DMAP1: variants seen among roughly 807,000 people sequenced by gnomAD.
The protein encoded by DMAP1 is DNA methyltransferase 1 associated protein 1.
Under a neutral mutation model 52.7 loss-of-function variants are expected in DMAP1, and 26 were observed. The ratio of observed to expected loss-of-function variants is 0.49; its 90% CI spans 0.36 to 0.68. The LOEUF (loss-of-function observed/expected upper bound fraction) is 0.68. DMAP1 is among the 30% of genes least tolerant of loss of function. The pLI, the probability that DMAP1 is intolerant of heterozygous loss-of-function variation, is 0.00. For synonymous variants in DMAP1, 231 were observed against 246.0 expected, an observed-to-expected ratio of 0.94 and a Z score of 0.57; for missense variants, 439 against 625.2, an observed-to-expected ratio of 0.70 and a Z score of 3.18.
rs1270860290 is a variant in DMAP1, at chr1:44,218,126, G to C, written c.394-185G>C. On this transcript the variant is annotated intron_variant, in intron 3 of 9. Transcript: ENST00000372289. This position sits in a 1 kb window ranked among gnomAD's most constrained non-coding sequence, Gnocchi z 5.6. ...TGATCCTGGAATAAATCAGAGGCAG[G>C]CTACAGTCCCAAACCCTGCTAGGAC... The C allele has an allele frequency of 2.7e-6, 2 of 743,984 alleles. No individual in the cohort carries two copies. The highest frequency in any genetic ancestry group is 3.4e-5 in the African/African-American group (2 of 58,258). 46.1% of individuals were successfully genotyped at this position (743,984 alleles called of 1,614,324 possible).
rs200838065 is a variant in DMAP1, at chr1:44,220,538, A to G, written c.1345-21A>G. The G allele has an allele frequency of 2.4e-5, 38 of 1,614,226 alleles. No individual in the cohort carries two copies. In the East Asian group the frequency reaches 2.9e-4, roughly 12 times the overall value. On this transcript the variant is annotated intron_variant, in intron 9 of 9. Transcript: ENST00000372289. ...AGGCCTTGGGGGGTCACTGACCTCAATGCCTTCTGTGTATCCTCAGAGAAA... is the reference window on the plus strand; with the variant it reads ...AGGCCTTGGGGGGTCACTGACCTCAGTGCCTTCTGTGTATCCTCAGAGAAA...
chr1:44,217,179 A>G (rs1360973377), intron 3 of DMAP1: 1 of 152,234 alleles, frequency 6.6e-6, no homozygotes, highest in Non-Finnish European at 1.5e-5. Flanking sequence ...ATTGTTACGT[A>G]AGTTTTTCAG....
intron 3 of DMAP1, 177 bp downstream of exon 3, chr1:44,215,075 C>G: frequency 1.3e-6 from 1 of 753,688 alleles, no homozygotes; most frequent in Non-Finnish European, 2.3e-6. Flanking sequence ...CTTTTCTGCC[C>G]AAGGGATCCT....
Position 44,218,423 on chromosome 1 carries a change from T to TG in DMAP1, c.507dup (p.Arg170AlafsTer7). ...TTTGACCTCAGCCGCCGCTTTGACCTGCGTTTTGTTGTTATCCATGACCGG... is the reference window on the plus strand; with the variant it reads ...TTTGACCTCAGCCGCCGCTTTGACCTGGCGTTTTGTTGTTATCCATGACCGG... On this transcript the variant is annotated frameshift_variant, in exon 4 of 10. Coordinates refer to ENST00000372289, the MANE Select transcript of DMAP1 (RefSeq NM_019100.5). LOFTEE classifies it high-confidence loss of function. This position sits in a 1 kb window ranked among gnomAD's most constrained non-coding sequence, Gnocchi z 5.6. 1 of 1,614,206 alleles carries TG rather than the reference T, an allele frequency of 6.2e-7. No individual in the cohort carries two copies.
chr1:44,214,443 C>G lies in DMAP1; in HGVS notation c.197+2C>G. On this transcript the variant is annotated splice_donor_variant, in intron 2 of 9. Coordinates refer to ENST00000372289, the MANE Select transcript of DMAP1 (RefSeq NM_019100.5). LOFTEE classifies it high-confidence loss of function. ...TGCCTTGCTCTACTCTGACAAGAAG[C>G]AAGTATTGGAGTCCCAAGTCCCCCA... 2 of 1,614,100 alleles carry G rather than the reference C, an allele frequency of 1.2e-6. No homozygotes were observed. Among genetic ancestry groups the G allele is most frequent in the Non-Finnish European group, 1.7e-6 (2 of 1,179,984 alleles).
Position 44,220,611 on chromosome 1 carries a change from A to G in DMAP1, c.1397A>G (p.Lys466Arg). Residue 466 changes from lysine (K) to arginine (R), a missense_variant, in exon 10 of 10, where the codon AAG becomes AGG. By Grantham distance (26) the Lys-to-Arg change is conservative. Around this residue, in one of 3 missense-constraint regions of DMAP1, gnomAD observed 179 missense variants for 285.9 expected, o/e 0.63. Coordinates refer to ENST00000372289, the MANE Select transcript of DMAP1 (RefSeq NM_019100.5). ...TCATCTTCCGTGAAGAAAGCCAAGA[A>G]GCCGTGAGAGGCCCCACGGGGTGTG... is the stretch of plus-strand genomic sequence containing the variant. ...SSSSSVKKAK[K>R]P is the part of the protein sequence containing the mutation. 1 of 1,614,236 alleles carries G rather than the reference A, an allele frequency of 6.2e-7. No individual in the cohort carries two copies. The highest frequency in any genetic ancestry group is 1.1e-5 in the South Asian group (1 of 91,092).
rs759741474 is a variant in DMAP1, at chr1:44,214,341, C to T, written c.106-9C>T. 1 of 1,613,066 alleles carries T rather than the reference C, an allele frequency of 6.2e-7. No individual in the cohort carries two copies. The highest frequency in any genetic ancestry group is 1.1e-5 in the South Asian group (1 of 91,018). On this transcript the variant is annotated splice_polypyrimidine_tract_variant and intron_variant, in intron 1 of 9. Transcript: ENST00000372289. ...GGTTGTGGTTCCTTTCTGTGGTTTC[C>T]TTCCTCAGAAAAAATCCAAGAAGTC...
At chr1:44,220,350 CGA>C in intron 9 of DMAP1, 41 bp downstream of exon 9, 1 of 1,521,684 alleles carries the variant, frequency 6.6e-7, no homozygotes, top group Non-Finnish European at 8.8e-7. Flanking sequence ...CTGGGCCCTG[CGA>C]GTGAGCACAT....
chr1:44,215,262 C>G (rs1053664438), intron 3 of DMAP1: 3 of 470,126 alleles, frequency 6.4e-6, no homozygotes, highest in African/African-American at 2.0e-5. Context: ...GTGCTTCCTT[C>G]GCATCCAGTC....
In DMAP1 at chr1:44,213,471, G is replaced by T; in HGVS notation, c.-283G>T. The T allele has an allele frequency of 2.6e-6, 1 of 379,516 alleles. No individual in the cohort carries two copies. The highest frequency in any genetic ancestry group is 4.8e-6 in the Non-Finnish European group (1 of 206,588). 23.5% of individuals were successfully genotyped at this position (379,516 alleles called of 1,614,324 possible). On this transcript the variant is annotated 5_prime_UTR_variant, in exon 1 of 10. Transcript: ENST00000372289. This position sits in a 1 kb window ranked among gnomAD's most constrained non-coding sequence, Gnocchi z 4.5. ...CGAATGAGCACCGCCGGAAGTTTCT[G>T]CCGCGGCTTTGCGGGGACGGGGGAG...
rs764481681 is a variant in DMAP1, at chr1:44,215,183, G to C, written c.393+285G>C. On this transcript the variant is annotated intron_variant, in intron 3 of 9. Coordinates refer to ENST00000372289, the MANE Select transcript of DMAP1 (RefSeq NM_019100.5). The stretch of plus-strand genomic sequence containing the variant: ...GTATCCTAGGTGCTCTAGTCTTCTT[G>C]TTCTCTACTTTCTTAGTATGAACCC... 4 of 564,814 alleles carry C rather than the reference G, an allele frequency of 7.1e-6. No individual in the cohort carries two copies. The African/African-American group carries it at 7.4e-5, about 10-fold the overall frequency. The allele number at this position is 564,814 out of a possible 1,614,324, so 35.0% of individuals were successfully genotyped here.
At chr1:44,219,746 C>T in intron 7 of DMAP1, 60 bp from the exon 8 acceptor site, 1 of 1,588,888 alleles carries the variant, frequency 6.3e-7, no homozygotes, top group Non-Finnish European at 8.6e-7. Context: ...TGCCTTTTGT[C>T]CCCTTCATCC....
rs1167845931 is a variant in DMAP1 at position 44,214,244 on chromosome 1, TG to T, written c.106-105del. The stretch of plus-strand genomic sequence containing the variant: ...TGCCTTTACAGTGTGTCAGTTTGCC[TG>T]TCATTGACCCTGTAGGTGCTGCTTT... On this transcript the variant is annotated intron_variant, in intron 1 of 9. Coordinates refer to ENST00000372289, the MANE Select transcript of DMAP1 (RefSeq NM_019100.5). The T allele has an allele frequency of 1.0e-5, 11 of 1,056,112 alleles. No individual in the cohort carries two copies. In the Middle Eastern group the frequency reaches 2.1e-3, roughly 206 times the overall value. The allele number at this position is 1,056,112 out of a possible 1,614,324, so 65.4% of individuals were successfully genotyped here.
chr1:44,220,522 G>C (rs757400891), intron 9 of DMAP1, 37 bp from the exon 10 acceptor site: 2 of 1,614,208 alleles, frequency 1.2e-6, no homozygotes, highest in South Asian at 2.2e-5. Context: ...CAGGCCTTGG[G>C]GGGTCACTGA....
rs1643846858 is a variant in DMAP1 at position 44,218,807 on chromosome 1, T to C, written c.720+52T>C. The C allele has an allele frequency of 2.6e-6, 4 of 1,552,626 alleles. No homozygotes were observed. The East Asian group carries it at 9.0e-5, about 35-fold the overall frequency. On this transcript the variant is annotated intron_variant, in intron 5 of 9. Transcript: ENST00000372289. This position sits in a 1 kb window ranked among gnomAD's most constrained non-coding sequence, Gnocchi z 5.6. ...TCCATGCCCCAAACCCCTTGCTCAT[T>C]GTCTCCATCCTCCATCCCCTCAACT...
chr1:44,214,787 T>C lies in DMAP1; in HGVS notation c.282T>C (p.Pro94=), dbSNP rs769756584. 1 of 1,614,198 alleles carries C rather than the reference T, an allele frequency of 6.2e-7. No homozygotes were observed. The highest frequency in any genetic ancestry group is 1.1e-5 in the South Asian group (1 of 91,080). ...KAKLGSKKVR[P]WKWMPFTNPA... ...AGTTGGGCTCCAAGAAGGTGCGGCC[T>C]TGGAAGTGGATGCCATTCACCAACC... The change falls in exon 3 of 10, where the codon CCT becomes CCC. Residue 94 remains proline (P), a synonymous_variant. Coordinates refer to ENST00000372289, the MANE Select transcript of DMAP1 (RefSeq NM_019100.5).
Position 44,219,661 on chromosome 1 carries a change from C to T in DMAP1, c.979-145C>T, listed in dbSNP as rs1172556425. 5 of 1,213,302 alleles carry T rather than the reference C, an allele frequency of 4.1e-6. No homozygotes were observed. The East Asian group carries it at 9.4e-5, about 23-fold the overall frequency. 75.2% of individuals were successfully genotyped at this position (1,213,302 alleles called of 1,614,324 possible). A position where few individuals can be genotyped will look rare whatever the true frequency, so the allele number is the denominator to read the frequency against. On this transcript the variant is annotated intron_variant, in intron 7 of 9. Transcript: ENST00000372289. ...TCATAGCAGCTTTCACTATATTCAG[C>T]TTCCTGGCTATTTCCTTTTCTGGCC...
chr1:44,219,863 C>T lies in DMAP1; in HGVS notation c.1036C>T (p.Leu346=), dbSNP rs774902875. Residue 346 remains leucine (L), a synonymous_variant, in exon 8 of 10, where the codon CTG becomes TTG. Transcript: ENST00000372289. ...GATCAAGGCCCTGGAACAGATGCTG[C>T]TGGAGCTTGGTGTGGGTGAGTGTGG... ...KKIKALEQML[L]ELGVELSPTP... 1 of 1,614,196 alleles carries T rather than the reference C, an allele frequency of 6.2e-7. No individual in the cohort carries two copies. The highest frequency in any genetic ancestry group is 1.7e-5 in the Admixed American group (1 of 60,030).
Sources: allele counts gnomAD v4.1 joint callset, GRCh38; gene constraint gnomAD v4.1.1; regional missense constraint gnomAD v4.1.1; non-coding constraint Gnocchi (gnomAD v3.1); transcripts MANE v1.5; gene names NCBI Gene and HGNC (gene_info 2026-07-23, HGNC 2026-07-21).